ZNF827: variants seen among roughly 807,000 people sequenced by gnomAD.
ZNF827 encodes zinc finger protein 827.
In ZNF827, 13 loss-of-function variants were observed where a neutral mutation model predicts 102.4. The ratio of observed to expected loss-of-function variants is 0.13; its 90% CI spans 0.08 to 0.20. The LOEUF (loss-of-function observed/expected upper bound fraction) is 0.20. Among genes scored for constraint, ZNF827 ranks in the 10% least tolerant of loss-of-function variants. The probability of loss-of-function intolerance (pLI) is 1.00; values close to 1 mark genes in which losing one functional copy is unlikely to be tolerated. For synonymous variants in ZNF827, 523 were observed against 536.2 expected, an observed-to-expected ratio of 0.98 and a Z score of 0.34; for missense variants, 1,103 against 1,344.4, an observed-to-expected ratio of 0.82 and a Z score of 2.81.
At chr4:145,810,539 C>T (rs1741906992) in intron 8 of ZNF827, among the ~76,000 whole-genome samples, 4 of 152,228 alleles carry the variant, frequency 2.6e-5, no homozygotes, top group Admixed American at 1.3e-4. Flanking sequence ...CAATCCCTGT[C>T]CTTTCCACTT....
At chr4:145,792,017 C>A (rs1739776168) in intron 8 of ZNF827, among the ~76,000 whole-genome samples, 1 of 152,190 alleles carries the variant, frequency 6.6e-6, no homozygotes, top group African/African-American at 2.4e-5. Flanking sequence ...TTTGCAAAAA[C>A]CTCTGCTTTC....
At chr4:145,785,722 C>T (rs1340961889) in intron 8 of ZNF827, among the ~76,000 whole-genome samples, 1 of 152,210 alleles carries the variant, frequency 6.6e-6, no homozygotes, top group Non-Finnish European at 1.5e-5. Flanking sequence ...GCTAGTGACT[C>T]TGGGAGAGCA....
At chr4:145,898,325 G>T (rs951871908) in intron 2 of ZNF827, among the ~76,000 whole-genome samples, 2 of 152,094 alleles carry the variant, frequency 1.3e-5, no homozygotes, top group African/African-American at 4.8e-5. Context: ...AATATTCTTA[G>T]TTCTCAGCTG....
At chr4:145,915,949 C>T (rs1752636941) in intron 1 of ZNF827, among the ~76,000 whole-genome samples, 1 of 152,204 alleles carries the variant, frequency 6.6e-6, no homozygotes, top group African/African-American at 2.4e-5. Flanking sequence ...AGTCCAAAAC[C>T]CAACAGGGAA....
chr4:145,891,073 C>T (rs1346476933), intron 3 of ZNF827, among the ~76,000 whole-genome samples: 1 of 152,188 alleles, frequency 6.6e-6, no homozygotes. Flanking sequence ...ATACATTATA[C>T]TTCTTATGGT....
At chr4:145,906,776 T>C (rs1751900705) in intron 1 of ZNF827, among the ~76,000 whole-genome samples, 1 of 152,218 alleles carries the variant, frequency 6.6e-6, no homozygotes, top group Non-Finnish European at 1.5e-5. Flanking sequence ...AACAGAACTG[T>C]TTGTGGCTCC....
At chr4:145,835,510 T>C (rs55720588) in intron 7 of ZNF827, among the ~76,000 whole-genome samples, 39,929 of 135,456 alleles carry the variant, frequency 0.29, 5,495 homozygotes, top group South Asian at 0.34. Context: ...CTTATTAGGC[T>C]GAGACACTTT....
chr4:145,831,124 T>C (rs1744166875), intron 7 of ZNF827: 1 of 152,200 alleles, frequency 6.6e-6, no homozygotes. Context: ...TTTTATTTAT[T>C]GTGACGAAAA....
intron 8 of ZNF827, among the ~76,000 whole-genome samples, chr4:145,792,405 T>G (rs916979127): frequency 6.7e-6 from 1 of 148,536 alleles, no homozygotes; most frequent in Non-Finnish European, 1.5e-5. Context: ...AGAAATGGCA[T>G]TACTACTGTC....
chr4:145,795,418 G>C (rs969622939), intron 8 of ZNF827, among the ~76,000 whole-genome samples: 1 of 152,232 alleles, frequency 6.6e-6, no homozygotes, highest in African/African-American at 2.4e-5. Context: ...AAAGTGCTGG[G>C]ATTATAGGCA....
chr4:145,809,613 C>A (rs1741817260), intron 8 of ZNF827, among the ~76,000 whole-genome samples: 1 of 152,182 alleles, frequency 6.6e-6, no homozygotes. Flanking sequence ...GTGTCTTCCC[C>A]AGTTGCTTCT....
At chr4:145,925,273 T>C (rs1030701633) in intron 1 of ZNF827, among the ~76,000 whole-genome samples, 2 of 152,188 alleles carry the variant, frequency 1.3e-5, no homozygotes, top group African/African-American at 4.8e-5. Flanking sequence ...AGGAAAACCA[T>C]ATCAGCTAAT....
chr4:145,855,332 T>C (rs377270900), intron 5 of ZNF827, among the ~76,000 whole-genome samples: 1 of 152,204 alleles, frequency 6.6e-6, no homozygotes, highest in Non-Finnish European at 1.5e-5. Flanking sequence ...ATCAAAAATC[T>C]TTCGTCTCCA....
intron 7 of ZNF827, chr4:145,831,187 T>A (rs986948116): frequency 6.6e-6 from 1 of 152,120 alleles, no homozygotes; most frequent in Non-Finnish European, 1.5e-5. Context: ...GTGCCCAAGA[T>A]TAAAAATGAC....
At chr4:145,859,672 C>A (rs1747515525) in intron 5 of ZNF827, among the ~76,000 whole-genome samples, 2 of 152,190 alleles carry the variant, frequency 1.3e-5, no homozygotes, top group African/African-American at 4.8e-5. Flanking sequence ...ATTTTAATTT[C>A]CCTTCCTCTC....
At chr4:145,909,392 G>A (rs1054077034) in intron 1 of ZNF827, among the ~76,000 whole-genome samples, 2 of 152,202 alleles carry the variant, frequency 1.3e-5, no homozygotes, top group African/African-American at 4.8e-5. Context: ...ATAGGATGTC[G>A]AAAGCACCAT....
chr4:145,820,680 C>T (rs544263612), intron 8 of ZNF827, among the ~76,000 whole-genome samples: 62 of 152,282 alleles, frequency 4.1e-4, no homozygotes, highest in African/African-American at 1.5e-3. Flanking sequence ...GCTTTTCCCA[C>T]CCCACTCCTC....
At chr4:145,918,771 TTCTACATAGTGGAGC>T (rs1752866619) in intron 1 of ZNF827, among the ~76,000 whole-genome samples, 1 of 152,180 alleles carries the variant, frequency 6.6e-6, no homozygotes, top group African/African-American at 2.4e-5. Context: ...CTTTGATCTT[TTCTACATAGTGGAGC>T]TCTCCATAAA....
At position 145,765,226 on chromosome 4, in the gene ZNF827, T is replaced by C; in HGVS notation, c.3053-61A>G. On this transcript the variant is annotated intron_variant, in intron 12 of 14. Transcript: ENST00000508784. This position sits in a 1 kb window ranked among gnomAD's most constrained non-coding sequence, Gnocchi z 4.7. Reference sequence around the variant, plus strand: ...GGCAGCGGGGAGAGGAGGGCAGGAGTGGAGCCAAGCTCCTCCCCACTTCCT... The same window carrying C: ...GGCAGCGGGGAGAGGAGGGCAGGAGCGGAGCCAAGCTCCTCCCCACTTCCT... 1 of 1,499,198 alleles carries C rather than the reference T, an allele frequency of 6.7e-7. No homozygotes were observed. Among genetic ancestry groups the C allele is most frequent in the Non-Finnish European group, 8.9e-7 (1 of 1,117,792 alleles). 92.9% of individuals were successfully genotyped at this position (1,499,198 alleles called of 1,614,324 possible). A position where few individuals can be genotyped will look rare whatever the true frequency, so the allele number is the denominator to read the frequency against.
Sources: gnomAD v4.1 joint callset for allele counts (sites outside exome capture counted in the v4.1 genomes callset) on GRCh38, gnomAD v4.1.1 for gene constraint, Gnocchi (gnomAD v3.1) non-coding constraint, MANE v1.5 for transcripts, NCBI Gene and HGNC (gene_info 2026-07-23, HGNC 2026-07-21) for gene names.